Variants in EPHA6 observed in about 807,000 individuals in gnomAD.
EPHA6 encodes the protein ephrin type-A receptor 6.
In EPHA6, 50 loss-of-function variants were observed where a neutral mutation model predicts 112.0. The ratio of observed to expected loss-of-function variants is 0.45; its 90% CI spans 0.36 to 0.56. The LOEUF (loss-of-function observed/expected upper bound fraction) is 0.56, where lower values mean the gene tolerates loss of function less well. EPHA6 is among the 20% of genes least tolerant of loss of function. The probability of loss-of-function intolerance (pLI) is 0.00; values close to 1 mark genes in which losing one functional copy is unlikely to be tolerated. For missense variants in EPHA6, 1,280 were observed against 1,417.4 expected (o/e 0.90, Z 1.56); for synonymous variants, 529 against 490.7 (o/e 1.08, Z -1.03).
At chr3:97,531,470 G>A (rs527759517) in intron 10 of EPHA6, among the ~76,000 whole-genome samples, 86 of 151,958 alleles carry the variant, frequency 5.7e-4, no homozygotes, top group Non-Finnish European at 1.1e-3. Context: ...GAATGTCCCT[G>A]CTTCTCTCAA....
chr3:97,049,339 G>A (rs2045612413), intron 3 of EPHA6, among the ~76,000 whole-genome samples: 1 of 152,190 alleles, frequency 6.6e-6, no homozygotes, highest in Non-Finnish European at 1.5e-5. Flanking sequence ...ACTAGAAGAA[G>A]CACCTGAGAA....
chr3:97,279,957 C>T (rs1029302707), intron 5 of EPHA6, among the ~76,000 whole-genome samples: 1 of 152,104 alleles, frequency 6.6e-6, no homozygotes, highest in African/African-American at 2.4e-5. Context: ...GAGATCTTGG[C>T]TCACTGCAAT....
intron 2 of EPHA6, among the ~76,000 whole-genome samples, chr3:96,939,088 C>T (rs1336957492): frequency 1.3e-5 from 2 of 152,120 alleles, no homozygotes; most frequent in East Asian, 3.9e-4. Flanking sequence ...GTGTCTCTGC[C>T]AGGCTTTGGT....
chr3:97,049,191 G>A (rs957436182), intron 3 of EPHA6, among the ~76,000 whole-genome samples: 1 of 152,158 alleles, frequency 6.6e-6, no homozygotes, highest in Non-Finnish European at 1.5e-5. Context: ...TTACTTCATG[G>A]CACATAAGAT....
intron 15 of EPHA6, among the ~76,000 whole-genome samples, chr3:97,724,953 T>C (rs1221130485): frequency 1.3e-5 from 2 of 151,934 alleles, no homozygotes; most frequent in Non-Finnish European, 2.9e-5. Flanking sequence ...ACAGTTATTG[T>C]TTAATAAATA....
intron 3 of EPHA6, among the ~76,000 whole-genome samples, chr3:97,113,795 A>G (rs535389439): frequency 1.5e-4 from 23 of 152,254 alleles, no homozygotes; most frequent in African/African-American, 4.8e-4. Context: ...AGTTCTTTCA[A>G]AAATTGCCTA....
chr3:97,117,647 G>T (rs1320824778), intron 3 of EPHA6, among the ~76,000 whole-genome samples: 1 of 151,640 alleles, frequency 6.6e-6, no homozygotes, highest in East Asian at 1.9e-4. Flanking sequence ...ATTTATTTCT[G>T]AGCTCGCTGT....
At chr3:97,479,104 C>T (rs967571) in intron 8 of EPHA6, among the ~76,000 whole-genome samples, 190 bp from the exon 9 acceptor site, 149,887 of 152,222 alleles carry the variant, frequency 0.98, 73,850 homozygotes, top group East Asian at 1. Flanking sequence ...TACTTAACAG[C>T]ATTTTATTCT....
chr3:97,600,193 A>G (rs1386493029), intron 12 of EPHA6, among the ~76,000 whole-genome samples: 8 of 150,438 alleles, frequency 5.3e-5, no homozygotes, highest in African/African-American at 2.0e-4. Context: ...TTCTAGATAT[A>G]CAATCATGTC....
intron 11 of EPHA6, among the ~76,000 whole-genome samples, chr3:97,568,053 A>T (rs1353805427): frequency 6.6e-6 from 1 of 152,132 alleles, no homozygotes; most frequent in Non-Finnish European, 1.5e-5. Context: ...ATCTAGGTAG[A>T]GGAGGTTTGG....
chr3:97,161,011 A>G (rs571531869), intron 3 of EPHA6, among the ~76,000 whole-genome samples: 12 of 152,258 alleles, frequency 7.9e-5, no homozygotes, highest in African/African-American at 2.9e-4. Flanking sequence ...AGTGGGGATC[A>G]TGGGTATTTG....
At chr3:96,945,028 A>G (rs547235729) in intron 2 of EPHA6, among the ~76,000 whole-genome samples, 17 of 152,312 alleles carry the variant, frequency 1.1e-4, no homozygotes, top group African/African-American at 4.1e-4. Context: ...TTGTTTTATA[A>G]TTTCAGCATT....
At chr3:97,510,170 C>T (rs1226370247) in intron 10 of EPHA6, among the ~76,000 whole-genome samples, 1 of 152,208 alleles carries the variant, frequency 6.6e-6, no homozygotes, top group East Asian at 1.9e-4. Context: ...TATTACCCAC[C>T]TTCTGAAGCC....
intron 11 of EPHA6, among the ~76,000 whole-genome samples, chr3:97,540,087 A>G (rs2092827839): frequency 6.6e-6 from 1 of 152,064 alleles, no homozygotes; most frequent in African/African-American, 2.4e-5. Context: ...AGAAATGGTA[A>G]TTTTCTGTAC....
rs544905135 is a variant in EPHA6, at chr3:97,202,494, GC to G, written c.1115-23769del. On this transcript the variant is annotated intron_variant, in intron 3 of 17. Coordinates refer to ENST00000389672, the MANE Select transcript of EPHA6 (RefSeq NM_001080448.3). The stretch of plus-strand genomic sequence containing the variant: ...TTATAGGTACCTGCCTCCATGCCCG[GC>G]TAGGTTTTTTGTATTTTTATTGGAG... Among the ~76,000 whole-genome samples, 742 of 151,952 alleles carry G rather than the reference GC, an allele frequency of 4.9e-3. 6 individuals carry two copies. Among genetic ancestry groups the G allele is most frequent in the African/African-American group, 0.016 (655 of 41,486 alleles).
At position 97,118,523 on chromosome 3, in the gene EPHA6, C is replaced by T. The variant is rs192020234; in HGVS notation, c.1115-107741C>T. Among the ~76,000 whole-genome samples, 72 of 151,938 alleles carry T rather than the reference C, an allele frequency of 4.7e-4. No individual in the cohort carries two copies. In the Middle Eastern group the frequency reaches 0.01, roughly 22 times the overall value. On this transcript the variant is annotated intron_variant, in intron 3 of 17. Coordinates refer to ENST00000389672, the MANE Select transcript of EPHA6 (RefSeq NM_001080448.3). ...CAATATAAAGATCTTACCTAACATA[C>T]ATCTTCTCTTGCCTAGTCTTAACAC...
At chr3:96,947,103 G>A (rs2041306007) in intron 2 of EPHA6, among the ~76,000 whole-genome samples, 1 of 150,752 alleles carries the variant, frequency 6.6e-6, no homozygotes, top group African/African-American at 2.4e-5. Context: ...TGAGTAGATT[G>A]TGAAAATTTT....
At chr3:96,883,226 C>G (rs1238219666) in intron 2 of EPHA6, among the ~76,000 whole-genome samples, 1 of 152,046 alleles carries the variant, frequency 6.6e-6, no homozygotes, top group Non-Finnish European at 1.5e-5. Flanking sequence ...TGTATATCTT[C>G]TTTTGAGAAT....
chr3:96,930,704 C>T (rs1254253004), intron 2 of EPHA6, among the ~76,000 whole-genome samples: 1 of 152,010 alleles, frequency 6.6e-6, no homozygotes, highest in Non-Finnish European at 1.5e-5. Context: ...TTAAAATAAG[C>T]TGTCTAGCTG....
Sources: allele counts gnomAD v4.1 joint callset (sites outside exome capture counted in the v4.1 genomes callset), GRCh38; gene constraint gnomAD v4.1.1; transcripts MANE v1.5; gene names NCBI Gene and HGNC (gene_info 2026-07-23, HGNC 2026-07-21).